The following NCS1 variants were observed in gnomAD, a reference collection of about 807,000 sequenced individuals.
NCS1 encodes frequenin homolog.
In NCS1, 6 loss-of-function variants were observed where a neutral mutation model predicts 28.4. The observed-to-expected ratio is 0.21, with a 90% confidence interval of 0.12 to 0.42. The LOEUF (loss-of-function observed/expected upper bound fraction) is 0.42. NCS1 is among the 10% of genes least tolerant of loss of function. The pLI is 1.00. For missense variants in NCS1, 131 were observed against 241.4 expected (o/e 0.54, Z 3.03); for synonymous variants, 86 against 99.3 (o/e 0.87, Z 0.79).
intron 2 of NCS1, among the ~76,000 whole-genome samples, 180 bp downstream of exon 2, chr9:130,201,162 C>T (rs569090724): frequency 6.6e-6 from 1 of 152,226 alleles, no homozygotes; most frequent in East Asian, 1.9e-4. Context: ...GACGTGGTTT[C>T]AGTGGAACTG....
intron 7 of NCS1, among the ~76,000 whole-genome samples, chr9:130,228,659 C>A (rs1315251668): frequency 6.7e-6 from 1 of 148,840 alleles, no homozygotes; most frequent in Non-Finnish European, 1.5e-5. Context: ...CTGTTTTTTT[C>A]TTTCTTTCTT....
rs141344275 is a variant in NCS1, at chr9:130,195,699, C to T, written c.65-5259C>T. ...TTGCCCTCCCAAAGTGTTGGGATTA[C>T]GGGCATGAGCCACCGCGCTCGGGCG... On this transcript the variant is annotated intron_variant, in intron 1 of 7. Transcript: ENST00000372398. Among the ~76,000 whole-genome samples the T allele has an allele frequency of 1.7e-3, 262 of 152,356 alleles. 4 individuals are homozygous for T. Among genetic ancestry groups the T allele is most frequent in the African/African-American group, 5.7e-3 (237 of 41,590 alleles).
rs1316221403 is a variant in NCS1, at chr9:130,175,326, G to C, written c.64+2599G>C. On this transcript the variant is annotated intron_variant, in intron 1 of 7. Coordinates refer to ENST00000372398, the MANE Select transcript of NCS1 (RefSeq NM_014286.4). The surrounding 1 kb of genome is among the most constrained non-coding windows in gnomAD (Gnocchi z 4.9). ...GTGGAGCCATCTGCTCTTTGTTCTG[G>C]GGGATTCTGTGTATGGGGTCAAGAG... 7.2e-5 allele frequency among the ~76,000 whole-genome samples: 11 copies of C among 152,286 alleles called. No homozygotes were observed. The South Asian group carries it at 2.3e-3, about 32-fold the overall frequency.
At chr9:130,185,631 C>T (rs1188497415) in intron 1 of NCS1, among the ~76,000 whole-genome samples, 2 of 152,240 alleles carry the variant, frequency 1.3e-5, no homozygotes, top group Non-Finnish European at 2.9e-5. Context: ...TTGTAGGAAC[C>T]GAAAGATTCC....
chr9:130,209,541 G>C lies in NCS1; in HGVS notation c.90-8291G>C, dbSNP rs868964. On this transcript the variant is annotated intron_variant, in intron 2 of 7. Transcript: ENST00000372398. This position sits in a 1 kb window ranked among gnomAD's most constrained non-coding sequence, Gnocchi z 4.4. The stretch of plus-strand genomic sequence containing the variant: ...ACCTACTCTATGCCAGGCCAGTGCC[G>C]GTTGCGGGCGGGCATCCGGGACTGA... Among the ~76,000 whole-genome samples, 1 of 152,124 alleles carries C rather than the reference G, an allele frequency of 6.6e-6. No homozygotes were observed. The highest frequency in any genetic ancestry group is 6.5e-5 in the Admixed American group (1 of 15,284).
At chr9:130,224,207 C>T (rs1367515726) in intron 6 of NCS1, among the ~76,000 whole-genome samples, 1 of 144,686 alleles carries the variant, frequency 6.9e-6, no homozygotes, top group Non-Finnish European at 1.5e-5. Context: ...GTAATCCCAG[C>T]ATTTTGGGAG....
chr9:130,199,691 T>G (rs1446061498), intron 1 of NCS1, among the ~76,000 whole-genome samples: 1 of 152,210 alleles, frequency 6.6e-6, no homozygotes, highest in Non-Finnish European at 1.5e-5. Flanking sequence ...TGGGCGCAGA[T>G]TCGGGCTTGC....
Position 130,236,511 on chromosome 9 carries a change from A to T in NCS1, c.*3539A>T, listed in dbSNP as rs1833596913. The T allele has an allele frequency of 6.7e-6, 1 of 150,184 alleles. No individual in the cohort carries two copies. The highest frequency in any genetic ancestry group is 1.5e-5 in the Non-Finnish European group (1 of 67,790). The allele number at this position is 150,184 out of a possible 1,614,324, so 9.3% of individuals were successfully genotyped here. A position where few individuals can be genotyped will look rare whatever the true frequency, so the allele number is the denominator to read the frequency against. ...GCCATCCCTGGATAGCAAGTGAATT[A>T]ACTTAAGGGCACTGTGATGGGAAGC... On this transcript the variant is annotated 3_prime_UTR_variant, in exon 8 of 8. Transcript: ENST00000372398.
chr9:130,221,451 G>GAGAGAGAGAGAA (rs1194707277), intron 4 of NCS1, among the ~76,000 whole-genome samples: 5 of 138,100 alleles, frequency 3.6e-5, no homozygotes, highest in African/African-American at 1.1e-4. Flanking sequence ...GAGAGAGAGA[G>GAGAGAGAGAGAA]AAAGAGAGAG....
chr9:130,229,798 C>T (rs1046664390), intron 7 of NCS1, among the ~76,000 whole-genome samples: 32 of 152,264 alleles, frequency 2.1e-4, no homozygotes, highest in African/African-American at 7.7e-4. Flanking sequence ...TGATTATATC[C>T]AATTTGTGTT....
At chr9:130,184,854 G>A (rs930853814) in intron 1 of NCS1, among the ~76,000 whole-genome samples, 21 of 151,156 alleles carry the variant, frequency 1.4e-4, no homozygotes, top group Non-Finnish European at 2.4e-4. Context: ...GGGTGGTCTT[G>A]ATTTCCTGAC....
At chr9:130,202,607 T>C (rs112162846) in intron 2 of NCS1, among the ~76,000 whole-genome samples, 19 of 147,382 alleles carry the variant, frequency 1.3e-4, no homozygotes, top group African/African-American at 4.5e-4. Context: ...AGTTGGAGTC[T>C]CTCGCTCTGC....
intron 1 of NCS1, among the ~76,000 whole-genome samples, chr9:130,185,363 G>C (rs1272233137): frequency 1.3e-5 from 2 of 152,256 alleles, no homozygotes; most frequent in East Asian, 3.8e-4. Flanking sequence ...ATGAATGAAC[G>C]AAGTTCCTTC....
At chr9:130,207,855 G>A (rs1833048760) in intron 2 of NCS1, among the ~76,000 whole-genome samples, 1 of 152,226 alleles carries the variant, frequency 6.6e-6, no homozygotes, top group African/African-American at 2.4e-5. Flanking sequence ...GGCAGAGGGA[G>A]GAAGCTGGAG....
At chr9:130,172,862 T>C (rs1677209855) in intron 1 of NCS1, 135 bp downstream of exon 1, 3 of 360,616 alleles carry the variant, frequency 8.3e-6, no homozygotes, top group African/African-American at 2.5e-5. Context: ...CGGCCTCCAA[T>C]GTGGACCCCT....
intron 1 of NCS1, among the ~76,000 whole-genome samples, chr9:130,195,953 G>T (rs937915199): frequency 3.3e-5 from 5 of 152,226 alleles, no homozygotes; most frequent in African/African-American, 1.2e-4. Flanking sequence ...CAGACCCACC[G>T]AGGGAGGCAG....
At chr9:130,195,416 G>A (rs1183618515) in intron 1 of NCS1, among the ~76,000 whole-genome samples, 1 of 151,756 alleles carries the variant, frequency 6.6e-6, no homozygotes, top group East Asian at 1.9e-4. Flanking sequence ...CTAGAAGAGG[G>A]CCATCCCAGC....
chr9:130,203,046 A>ATGTGTG (rs113946626), intron 2 of NCS1, among the ~76,000 whole-genome samples: 3,977 of 142,650 alleles, frequency 0.028, 193 homozygotes, highest in African/African-American at 0.098. Flanking sequence ...CAGGGTAAAT[A>ATGTGTG]TGTGTGTGTG....
At chr9:130,195,852 G>A (rs1588113903) in intron 1 of NCS1, among the ~76,000 whole-genome samples, 1 of 152,216 alleles carries the variant, frequency 6.6e-6, no homozygotes, top group Non-Finnish European at 1.5e-5. Flanking sequence ...GTCAGGATGC[G>A]GGCCAGTGAC....
Sources: allele counts gnomAD v4.1 joint callset (sites outside exome capture counted in the v4.1 genomes callset), GRCh38; gene constraint gnomAD v4.1.1; non-coding constraint Gnocchi (gnomAD v3.1); transcripts MANE v1.5; gene names NCBI Gene and HGNC (gene_info 2026-07-23, HGNC 2026-07-21).